Variants in AFF2 observed in about 807,000 individuals in gnomAD.
The protein encoded by AFF2 is ALF transcription elongation factor 2, also known as AF4/FMR2 family member 2.
Under a neutral mutation model 76.9 loss-of-function variants are expected in AFF2, and 14 were observed. The ratio of observed to expected loss-of-function variants is 0.18; its 90% CI spans 0.12 to 0.28. AFF2 has a LOEUF of 0.28. Among genes scored for constraint, AFF2 ranks in the 10% least tolerant of loss-of-function variants. AFF2 has a pLI of 1.00. For missense variants in AFF2, 868 were observed against 1,001.1 expected (o/e 0.87, Z 1.79); for synonymous variants, 398 against 366.7 (o/e 1.09, Z -0.98).
intron 7 of AFF2, among the ~76,000 whole-genome samples, chrX:148,884,459 T>C (rs1347182207): frequency 8.9e-6 from 1 of 112,670 alleles, no homozygotes; most frequent in African/African-American, 3.2e-5. Context: ...TCCCCCTATT[T>C]ATCAAATTAG....
chrX:148,875,883 T>C (rs1244511280), intron 7 of AFF2, among the ~76,000 whole-genome samples: 3 of 111,709 alleles, frequency 2.7e-5, no homozygotes, highest in African/African-American at 9.8e-5. Flanking sequence ...GATACTAGAT[T>C]AATATTTGAT....
chrX:148,873,865 G>C (rs781836719), intron 7 of AFF2, among the ~76,000 whole-genome samples: 1 of 111,700 alleles, frequency 9.0e-6, no homozygotes, highest in South Asian at 3.8e-4. Context: ...TTATTCCTAG[G>C]ATGATTGGAG....
intron 3 of AFF2, among the ~76,000 whole-genome samples, chrX:148,796,020 C>A (rs2069977791): frequency 9.6e-6 from 1 of 103,851 alleles, no homozygotes; most frequent in Non-Finnish European, 2.0e-5. Context: ...AATTGGTATA[C>A]TATTTTAGGT....
chrX:148,977,614 GACACACACACACACACACACAC>G (rs140911348), intron 16 of AFF2, among the ~76,000 whole-genome samples: 1 of 92,722 alleles, frequency 1.1e-5, no homozygotes, highest in Admixed American at 1.2e-4. Context: ...CCAGCATTTA[GACACACACACACACACACACAC>G]ACACACACAC....
At chrX:148,879,872 G>A in intron 7 of AFF2, among the ~76,000 whole-genome samples, 1 of 111,521 alleles carries the variant, frequency 9.0e-6, no homozygotes, top group Admixed American at 9.5e-5. Context: ...CCCTAGACTA[G>A]ATGGCCCCTA....
At chrX:148,725,656 A>G (rs1276989875) in intron 3 of AFF2, among the ~76,000 whole-genome samples, 1 of 112,117 alleles carries the variant, frequency 8.9e-6, no homozygotes, top group Non-Finnish European at 1.9e-5. Flanking sequence ...TACTCAACAC[A>G]AATCGTCATT....
chrX:148,603,400 A>G (rs1486312260), intron 1 of AFF2, among the ~76,000 whole-genome samples: 4 of 110,569 alleles, frequency 3.6e-5, no homozygotes, highest in African/African-American at 1.3e-4. Flanking sequence ...CTATATTGGT[A>G]TCTGAATAAC....
chrX:148,964,514 T>C (rs1293984462), intron 13 of AFF2, among the ~76,000 whole-genome samples: 1 of 111,760 alleles, frequency 8.9e-6, no homozygotes, highest in Admixed American at 9.5e-5. Flanking sequence ...TTTAAGACAT[T>C]ATGCTAAGTG....
intron 4 of AFF2, among the ~76,000 whole-genome samples, chrX:148,834,559 T>C (rs1234386129): frequency 1.8e-5 from 2 of 109,586 alleles, no homozygotes; most frequent in East Asian, 2.9e-4. Context: ...ATGTAACTTA[T>C]TTTTGTTAAA....
At chrX:148,595,628 C>T (rs1557247212) in intron 1 of AFF2, among the ~76,000 whole-genome samples, 2 of 112,310 alleles carry the variant, frequency 1.8e-5, no homozygotes, top group Non-Finnish European at 3.8e-5. Context: ...TGATGATTGA[C>T]TCCAAAAAGT....
At chrX:148,758,934 C>T (rs12850230) in intron 3 of AFF2, among the ~76,000 whole-genome samples, 1 of 111,528 alleles carries the variant, frequency 9.0e-6, no homozygotes, top group South Asian at 3.8e-4. Flanking sequence ...CCACAATGCC[C>T]GACTAATTTT....
At chrX:148,781,319 G>A (rs1398136232) in intron 3 of AFF2, among the ~76,000 whole-genome samples, 9 of 112,273 alleles carry the variant, frequency 8.0e-5, no homozygotes, top group African/African-American at 1.9e-4. Flanking sequence ...CTGAAGCTGC[G>A]CCCACAGCTG....
intron 1 of AFF2, among the ~76,000 whole-genome samples, chrX:148,644,660 A>G (rs1438388558): frequency 8.9e-6 from 1 of 112,534 alleles, no homozygotes; most frequent in Non-Finnish European, 1.9e-5. Flanking sequence ...TACATAATAG[A>G]ATAAATACAT....
chrX:148,932,714 C>A (rs1207401163), intron 9 of AFF2, among the ~76,000 whole-genome samples: 4 of 112,397 alleles, frequency 3.6e-5, no homozygotes, highest in Non-Finnish European at 1.9e-5. Context: ...TAAATAGGTT[C>A]TTTTGTTCCT....
chrX:148,842,859 C>G, intron 5 of AFF2, 107 bp from the exon 6 acceptor site: 1 of 600,433 alleles, frequency 1.7e-6, no homozygotes, highest in Non-Finnish European at 2.5e-6. Context: ...CAGCAGCTTC[C>G]TATTTGCAAA....
At chrX:148,953,371 G>T (rs1195349012) in intron 9 of AFF2, among the ~76,000 whole-genome samples, 1 of 111,630 alleles carries the variant, frequency 9.0e-6, no homozygotes, top group African/African-American at 3.3e-5. Context: ...CAAGGAACTT[G>T]CATACACATA....
chrX:148,514,884 C>T (rs1293337872), intron 1 of AFF2, among the ~76,000 whole-genome samples: 1 of 112,153 alleles, frequency 8.9e-6, no homozygotes, highest in Non-Finnish European at 1.9e-5. Context: ...TTACTTACAT[C>T]TGATAAATTT....
intron 8 of AFF2, among the ~76,000 whole-genome samples, chrX:148,888,968 C>T (rs2071192317): frequency 9.0e-6 from 1 of 111,570 alleles, no homozygotes; most frequent in South Asian, 3.8e-4. Context: ...TGGCTGCATT[C>T]GTGCAGACAT....
At chrX:148,942,869 G>A (rs2071857053) in intron 9 of AFF2, among the ~76,000 whole-genome samples, 1 of 110,870 alleles carries the variant, frequency 9.0e-6, no homozygotes, top group Admixed American at 9.6e-5. Context: ...GCAATGATGA[G>A]TCAGGAAGAG....
Sources: allele counts gnomAD v4.1 joint callset (sites outside exome capture counted in the v4.1 genomes callset), GRCh38; gene constraint gnomAD v4.1.1; transcripts MANE v1.5; gene names NCBI Gene and HGNC (gene_info 2026-07-23, HGNC 2026-07-21).